KCNH7: variants seen among roughly 807,000 people sequenced by gnomAD.
KCNH7 encodes voltage-gated inwardly rectifying potassium channel KCNH7.
Under a neutral mutation model 120.8 loss-of-function variants are expected in KCNH7, and 49 were observed. The observed-to-expected ratio is 0.41, with a 90% CI of 0.32 to 0.51. The LOEUF (loss-of-function observed/expected upper bound fraction) is 0.51. Ranked by LOEUF, KCNH7 falls within the 20% of genes least tolerant of loss-of-function variation. KCNH7 has a pLI of 0.38. For synonymous variants in KCNH7, 547 were observed against 516.1 expected, an observed-to-expected ratio of 1.06 and a Z score of -0.81; for missense variants, 1,097 against 1,446.6, an observed-to-expected ratio of 0.76 and a Z score of 3.92.
chr2:162,838,327 G>C, intron 1 of KCNH7, 116 bp downstream of exon 1: 1 of 773,790 alleles, frequency 1.3e-6, no homozygotes, highest in Admixed American at 2.2e-5. Context: ...CGGTTTCACA[G>C]CCTCTTAAGT....
intron 8 of KCNH7, among the ~76,000 whole-genome samples, chr2:162,434,236 A>AT (rs1252606708): frequency 8.6e-5 from 13 of 152,026 alleles, no homozygotes; most frequent in Non-Finnish European, 1.5e-4. Flanking sequence ...GTAGAGTGAG[A>AT]TAAAGGGATG....
Position 162,689,765 on chromosome 2 carries a change from G to T in KCNH7, c.307+146772C>A, listed in dbSNP as rs369131203. ...ATTGAGTTTTAGTTCTAGGCATTAT[G>T]TTTGCTTTCCCAGCAGAAAATATAT... is the stretch of plus-strand genomic sequence containing the variant. On this transcript the variant is annotated intron_variant, in intron 2 of 15. Transcript: ENST00000332142. Among the ~76,000 whole-genome samples the T allele has an allele frequency of 1.1e-4, 17 of 152,176 alleles. 1 individual carries two copies. In the East Asian group the frequency reaches 2.7e-3, roughly 24 times the overall value.
chr2:162,435,360 G>T lies in KCNH7; in HGVS notation c.1792C>A (p.Arg598Ser), dbSNP rs1229850300. The T allele has an allele frequency of 1.9e-6, 3 of 1,613,842 alleles. No individual in the cohort carries two copies. The highest frequency in any genetic ancestry group is 2.5e-6 in the Non-Finnish European group (3 of 1,179,868). The change falls in exon 8 of 16, where the codon CGT becomes AGT. Residue 598 changes from arginine (R) to serine (S), a missense_variant. Around this residue, in one of 8 missense-constraint regions of KCNH7, gnomAD observed 36 missense variants for 46.8 expected, o/e 0.77. Transcript: ENST00000332142. ...LDSLGQQIGKRYNDSDSSSGP... is the reference protein window; with the variant it reads ...LDSLGQQIGKSYNDSDSSSGP... ...GAACTTGAGTCACTGTCATTGTAAC[G>T]TTTCCCAATTTGCTGTCCTAAGGAA...
At chr2:162,407,936 G>A (rs577367749) in intron 9 of KCNH7, among the ~76,000 whole-genome samples, 21 of 152,034 alleles carry the variant, frequency 1.4e-4, no homozygotes, top group Non-Finnish European at 1.2e-4. Context: ...TTATGGTTTC[G>A]GAAACATTTA....
At chr2:162,618,542 T>C (rs1683229403) in intron 2 of KCNH7, among the ~76,000 whole-genome samples, 2 of 152,138 alleles carry the variant, frequency 1.3e-5, no homozygotes, top group South Asian at 4.1e-4. Flanking sequence ...TAAAACTATA[T>C]CCAATTTTAC....
intron 2 of KCNH7, among the ~76,000 whole-genome samples, chr2:162,801,396 A>G (rs1029308051): frequency 1.3e-5 from 2 of 151,834 alleles, no homozygotes; most frequent in Admixed American, 6.6e-5. Flanking sequence ...TGGAATAAAA[A>G]AATTAGTAAG....
intron 2 of KCNH7, among the ~76,000 whole-genome samples, chr2:162,760,482 C>T (rs933470902): frequency 3.3e-5 from 5 of 152,050 alleles, no homozygotes; most frequent in African/African-American, 9.7e-5. Context: ...TGCAATAATT[C>T]TGCGTCCCCT....
At chr2:162,474,948 G>A (rs555245014) in intron 6 of KCNH7, among the ~76,000 whole-genome samples, 5 of 152,202 alleles carry the variant, frequency 3.3e-5, no homozygotes, top group African/African-American at 9.6e-5. Flanking sequence ...GAAGGCTCAC[G>A]TAAGTGAGCT....
chr2:162,532,285 A>AGTG (rs1691949897), intron 3 of KCNH7, among the ~76,000 whole-genome samples: 1 of 151,938 alleles, frequency 6.6e-6, no homozygotes, highest in African/African-American at 2.4e-5. Context: ...GTGTTGGGAC[A>AGTG]CTTATTAAAC....
At chr2:162,596,332 C>T (rs1030495692) in intron 2 of KCNH7, among the ~76,000 whole-genome samples, 1 of 152,024 alleles carries the variant, frequency 6.6e-6, no homozygotes, top group African/African-American at 2.4e-5. Context: ...ATTAAAGCAG[C>T]ATGGTATTGG....
rs77272616 is a variant in KCNH7, at chr2:162,675,109, A to G, written c.308-138029T>C. 8.9e-3 allele frequency among the ~76,000 whole-genome samples: 1,358 copies of G among 151,766 alleles called. 34 individuals carry two copies. The East Asian group carries it at 0.11, about 12-fold the overall frequency. On this transcript the variant is annotated intron_variant, in intron 2 of 15. Coordinates refer to ENST00000332142, the MANE Select transcript of KCNH7 (RefSeq NM_033272.4). ...CTAATAAAATAGGAAAAACGAGCAG[A>G]TATTTTATAGAACAAGATATATTAT...
At chr2:162,491,880 GA>G (rs1352287862) in intron 6 of KCNH7, among the ~76,000 whole-genome samples, 5 of 152,086 alleles carry the variant, frequency 3.3e-5, no homozygotes, top group Middle Eastern at 3.4e-3. Context: ...TTCCTTTGGG[GA>G]AAAAAAGCCT....
intron 2 of KCNH7, among the ~76,000 whole-genome samples, chr2:162,620,165 G>C (rs59032097): frequency 6.7e-6 from 1 of 149,414 alleles, no homozygotes; most frequent in African/African-American, 2.5e-5. Flanking sequence ...TATATATAGA[G>C]AGAGAGATAG....
At chr2:162,620,746 G>A (rs1278886289) in intron 2 of KCNH7, among the ~76,000 whole-genome samples, 2 of 152,032 alleles carry the variant, frequency 1.3e-5, no homozygotes, top group Non-Finnish European at 2.9e-5. Flanking sequence ...GATAGAAATG[G>A]CAAAGCCTCC....
intron 2 of KCNH7, among the ~76,000 whole-genome samples, chr2:162,654,440 C>T (rs984224548): frequency 6.6e-6 from 1 of 151,120 alleles, no homozygotes; most frequent in South Asian, 2.1e-4. Context: ...ATTAAACCCA[C>T]ACGAGATACC....
chr2:162,379,367 A>G (rs1686329904), intron 14 of KCNH7, among the ~76,000 whole-genome samples: 1 of 152,196 alleles, frequency 6.6e-6, no homozygotes, highest in Non-Finnish European at 1.5e-5. Flanking sequence ...ATCAACGGTG[A>G]AGGAAACAAG....
intron 2 of KCNH7, among the ~76,000 whole-genome samples, chr2:162,705,861 A>C (rs1686681134): frequency 1.3e-5 from 2 of 152,146 alleles, no homozygotes; most frequent in Non-Finnish European, 2.9e-5. Context: ...ATGACTTAAA[A>C]ATTAAGTGAA....
At chr2:162,604,817 G>C (rs1694676971) in intron 2 of KCNH7, among the ~76,000 whole-genome samples, 1 of 151,778 alleles carries the variant, frequency 6.6e-6, no homozygotes. Flanking sequence ...CATTTTTCTT[G>C]CCCTAGAAAG....
At chr2:162,381,212 TAGAA>T (rs1030453050) in intron 13 of KCNH7, among the ~76,000 whole-genome samples, 2 of 152,062 alleles carry the variant, frequency 1.3e-5, no homozygotes, top group South Asian at 2.1e-4. Context: ...TTTGGTTTGA[TAGAA>T]AGACTTAAAA....
Sources: allele counts gnomAD v4.1 joint callset (sites outside exome capture counted in the v4.1 genomes callset), GRCh38; gene constraint gnomAD v4.1.1; regional missense constraint gnomAD v4.1.1; transcripts MANE v1.5; gene names NCBI Gene and HGNC (gene_info 2026-07-23, HGNC 2026-07-21).